SLC9A6: variants seen among roughly 807,000 people sequenced by gnomAD.
SLC9A6 encodes solute carrier family 9 member A6.
In SLC9A6, 6 loss-of-function variants were observed where a neutral mutation model predicts 45.3. The ratio of observed to expected loss-of-function variants is 0.13; its 90% CI spans 0.07 to 0.26. The LOEUF (loss-of-function observed/expected upper bound fraction) is 0.26. Among genes scored for constraint, SLC9A6 ranks in the 10% least tolerant of loss-of-function variants. The pLI is 1.00. For missense variants in SLC9A6, 278 were observed against 503.7 expected (o/e 0.55, Z 4.29); for synonymous variants, 191 against 187.7 (o/e 1.02, Z -0.14).
intron 15 of SLC9A6, among the ~76,000 whole-genome samples, chrX:136,032,270 C>T (rs1329137985): frequency 8.9e-6 from 1 of 111,856 alleles, no homozygotes; most frequent in African/African-American, 3.3e-5. Context: ...CGGGGTTTCC[C>T]CATATTGGTC....
At chrX:136,007,292 G>T (rs1430919499) in intron 7 of SLC9A6, among the ~76,000 whole-genome samples, 1 of 110,096 alleles carries the variant, frequency 9.1e-6, no homozygotes, top group Non-Finnish European at 1.9e-5. Context: ...CATCAATGGG[G>T]GGGGGTTCCT....
intron 3 of SLC9A6, among the ~76,000 whole-genome samples, chrX:135,996,740 G>T (rs782489548): frequency 2.8e-3 from 312 of 110,603 alleles, no homozygotes; most frequent in Non-Finnish European, 4.9e-3. Context: ...TTTATTTTTT[G>T]TTGTTGTTGT....
intron 7 of SLC9A6, among the ~76,000 whole-genome samples, chrX:136,005,542 G>GT (rs2089643735): frequency 8.9e-6 from 1 of 111,929 alleles, no homozygotes; most frequent in Non-Finnish European, 1.9e-5. Flanking sequence ...TTAGTCAGGC[G>GT]TGGTGGCACA....
chrX:136,010,194 A>C, intron 7 of SLC9A6: 1 of 381,884 alleles, frequency 2.6e-6, no homozygotes, highest in Non-Finnish European at 4.6e-6. Context: ...GCTTGGTGCA[A>C]TTTTCATATA....
intron 16 of SLC9A6, among the ~76,000 whole-genome samples, chrX:136,039,485 T>C (rs782149876): frequency 2.2e-4 from 24 of 111,274 alleles, no homozygotes; most frequent in Non-Finnish European, 1.1e-4. Flanking sequence ...TCATGATACA[T>C]AGTTTTTTAA....
chrX:135,986,390 C>T (rs916214524), intron 2 of SLC9A6, among the ~76,000 whole-genome samples: 1 of 110,143 alleles, frequency 9.1e-6, no homozygotes, highest in Non-Finnish European at 1.9e-5. Flanking sequence ...AAAACCCGAA[C>T]GTGAAATAGG....
At chrX:136,023,648 C>T (rs2071177034) in intron 12 of SLC9A6, among the ~76,000 whole-genome samples, 1 of 109,546 alleles carries the variant, frequency 9.1e-6, no homozygotes, top group African/African-American at 3.3e-5. Context: ...GATGGAGTGA[C>T]AAGAGGTTAG....
At chrX:135,990,110 C>CG (rs2089407134) in intron 2 of SLC9A6, among the ~76,000 whole-genome samples, 2 of 111,049 alleles carry the variant, frequency 1.8e-5, no homozygotes, top group African/African-American at 6.6e-5. Context: ...CTCAGCCTCC[C>CG]GAGTAGCTGG....
intron 11 of SLC9A6, among the ~76,000 whole-genome samples, chrX:136,020,516 A>G (rs2071104722): frequency 9.0e-6 from 1 of 110,907 alleles, no homozygotes; most frequent in Non-Finnish European, 1.9e-5. Flanking sequence ...GATTACAGGC[A>G]TGCGCCACCA....
intron 6 of SLC9A6, among the ~76,000 whole-genome samples, chrX:136,001,147 A>G (rs1556617299): frequency 9.1e-6 from 1 of 109,838 alleles, no homozygotes; most frequent in Non-Finnish European, 1.9e-5. Flanking sequence ...CATCCTGACT[A>G]ACACGGTAAA....
intron 15 of SLC9A6, 166 bp downstream of exon 15, chrX:136,030,328 C>A: frequency 1.9e-6 from 1 of 531,352 alleles, no homozygotes; most frequent in Admixed American, 2.8e-5. Context: ...TCCATAGAGA[C>A]AAAACCAAGT....
At chrX:136,040,631 G>A (rs1293250336) in intron 17 of SLC9A6, among the ~76,000 whole-genome samples, 2 of 111,989 alleles carry the variant, frequency 1.8e-5, no homozygotes, top group Non-Finnish European at 3.8e-5. Context: ...GTTTGGGAAA[G>A]CTATCTGCCT....
At chrX:136,024,236 T>G in intron 12 of SLC9A6, 94 bp from the exon 13 acceptor site, 1 of 921,531 alleles carries the variant, frequency 1.1e-6, no homozygotes, top group Non-Finnish European at 1.6e-6. Flanking sequence ...TTCACATGCT[T>G]CTAAGTTTTT....
In SLC9A6 at chrX:136,018,008, ACTGAGTGAG is replaced by A. The variant is rs199574839; in HGVS notation, c.1194+1256_1194+1264del. Among the ~76,000 whole-genome samples, 938 of 111,817 alleles carry A rather than the reference ACTGAGTGAG, an allele frequency of 8.4e-3. 9 individuals carry two copies. The highest frequency in any genetic ancestry group is 0.029 in the African/African-American group (903 of 30,718). ...CTTACAACATGGCTTCTTCCCCCAA[ACTGAGTGAG>A]CTGAGAGAGCCCTAAAATGAAAGCC... On this transcript the variant is annotated intron_variant, in intron 11 of 17. Coordinates refer to ENST00000630721, the MANE Select transcript of SLC9A6 (RefSeq NM_001379110.1).
At chrX:136,035,905 C>T (rs2071404780) in intron 16 of SLC9A6, among the ~76,000 whole-genome samples, 1 of 107,023 alleles carries the variant, frequency 9.3e-6, no homozygotes, top group South Asian at 4.2e-4. Context: ...TGGTGCATGT[C>T]ATCACACCCA....
chrX:136,042,631 A>G (rs1468757500), intron 17 of SLC9A6, among the ~76,000 whole-genome samples: 1 of 112,471 alleles, frequency 8.9e-6, no homozygotes, highest in Non-Finnish European at 1.9e-5. Context: ...AGTCTTTATT[A>G]TAGGCTCACT....
At chrX:136,005,719 T>G (rs2089647789) in intron 7 of SLC9A6, among the ~76,000 whole-genome samples, 1 of 110,577 alleles carries the variant, frequency 9.0e-6, no homozygotes, top group Admixed American at 9.6e-5. Flanking sequence ...TCCATAGCAT[T>G]TCTCACAAAG....
intron 7 of SLC9A6, among the ~76,000 whole-genome samples, chrX:136,006,229 G>A (rs2089653902): frequency 9.0e-6 from 1 of 111,200 alleles, no homozygotes; most frequent in Non-Finnish European, 1.9e-5. Context: ...AAGGAGTTCT[G>A]TTTGGCAGTT....
chrX:136,038,779 G>T (rs1350483764), intron 16 of SLC9A6, among the ~76,000 whole-genome samples: 1 of 102,940 alleles, frequency 9.7e-6, no homozygotes, highest in Non-Finnish European at 2.0e-5. Flanking sequence ...ATCATCTGGC[G>T]AGTTTTTTTT....
Sources: gnomAD v4.1 joint callset for allele counts (sites outside exome capture counted in the v4.1 genomes callset) on GRCh38, gnomAD v4.1.1 for gene constraint, MANE v1.5 for transcripts, NCBI Gene and HGNC (gene_info 2026-07-23, HGNC 2026-07-21) for gene names.